The following ADGRB3 variants were observed in gnomAD, a reference collection of about 807,000 sequenced individuals.
The protein encoded by ADGRB3 is adhesion G protein-coupled receptor B3.
A neutral mutation model predicts 193.4 loss-of-function variants in ADGRB3; 37 were observed. The ratio of observed to expected loss-of-function variants is 0.19; its 90% CI spans 0.15 to 0.25. The LOEUF (loss-of-function observed/expected upper bound fraction) is 0.25. Ranked by LOEUF, ADGRB3 falls within the 10% of genes least tolerant of loss-of-function variation. The pLI is 1.00. For missense variants in ADGRB3, 1,637 were observed against 1,852.9 expected, an observed-to-expected ratio of 0.88 and a Z score of 2.14; for synonymous variants, 690 against 644.2, an observed-to-expected ratio of 1.07 and a Z score of -1.08.
intron 12 of ADGRB3, among the ~76,000 whole-genome samples, chr6:69,015,946 A>G (rs1261964284): frequency 6.6e-6 from 1 of 151,882 alleles, no homozygotes; most frequent in Non-Finnish European, 1.5e-5. Flanking sequence ...TTAGTCATGT[A>G]TTATGTTTGA....
chr6:69,312,505 AT>A (rs1047749009), intron 20 of ADGRB3, among the ~76,000 whole-genome samples: 1 of 151,672 alleles, frequency 6.6e-6, no homozygotes, highest in Non-Finnish European at 1.5e-5. Flanking sequence ...TGAAATCTCC[AT>A]GAATTGTCAC....
chr6:68,910,302 G>A (rs1329568379), intron 3 of ADGRB3, among the ~76,000 whole-genome samples: 3 of 152,052 alleles, frequency 2.0e-5, no homozygotes, highest in Non-Finnish European at 4.4e-5. Context: ...GATTCTGGAT[G>A]TTAGCCCTTT....
chr6:69,350,243 A>C (rs1196616758), intron 26 of ADGRB3, among the ~76,000 whole-genome samples: 1 of 151,624 alleles, frequency 6.6e-6, no homozygotes, highest in Non-Finnish European at 1.5e-5. Context: ...TCAGGAGACA[A>C]CCTTGATAGC....
intron 17 of ADGRB3, among the ~76,000 whole-genome samples, chr6:69,147,910 A>G (rs892263290): frequency 1.3e-5 from 2 of 152,096 alleles, no homozygotes; most frequent in Non-Finnish European, 2.9e-5. Context: ...TCTTTGTCTT[A>G]TAACTTTTGT....
intron 3 of ADGRB3, among the ~76,000 whole-genome samples, chr6:68,893,459 G>A (rs1408893753): frequency 6.7e-6 from 1 of 150,154 alleles, no homozygotes; most frequent in Non-Finnish European, 1.5e-5. Flanking sequence ...TTTTTCCTTA[G>A]CATTCAAAAT....
chr6:69,006,280 T>C (rs528543055), intron 11 of ADGRB3, among the ~76,000 whole-genome samples: 21 of 152,234 alleles, frequency 1.4e-4, no homozygotes, highest in African/African-American at 4.8e-4. Context: ...TTCATGGTTT[T>C]ATGTATCATG....
At chr6:69,040,691 AAAAAAAAAAAAAAAAAAAC>A (rs1353581986) in intron 13 of ADGRB3, among the ~76,000 whole-genome samples, 7 of 144,244 alleles carry the variant, frequency 4.9e-5, no homozygotes, top group Admixed American at 2.1e-4. Flanking sequence ...AAAAAAAAAA[AAAAAAAAAAAAAAAAAAAC>A]AAACAAGAAT....
intron 20 of ADGRB3, among the ~76,000 whole-genome samples, chr6:69,295,302 C>T (rs1269952019): frequency 6.6e-6 from 1 of 152,170 alleles, no homozygotes; most frequent in African/African-American, 2.4e-5. Context: ...ATACTGCCTT[C>T]AATTGAAAAA....
chr6:68,982,879 C>T (rs1012941514), intron 10 of ADGRB3, among the ~76,000 whole-genome samples: 4 of 151,990 alleles, frequency 2.6e-5, no homozygotes, highest in African/African-American at 9.7e-5. Context: ...CAATTCTTAC[C>T]CAGAATTAAG....
intron 3 of ADGRB3, among the ~76,000 whole-genome samples, chr6:68,915,553 A>C (rs1296876158): frequency 1.3e-5 from 2 of 152,202 alleles, no homozygotes; most frequent in Non-Finnish European, 2.9e-5. Context: ...ATATGCTCTA[A>C]ATGGCTAAGA....
chr6:68,690,189 T>C lies in ADGRB3; in HGVS notation c.757+50757T>C, dbSNP rs1329311319. ...GTACAATCCTCTATGCAGTGAGTGATTAATGCAGATACAAAGCTTAGCCTT... is the reference window on the plus strand; with the variant it reads ...GTACAATCCTCTATGCAGTGAGTGACTAATGCAGATACAAAGCTTAGCCTT... On this transcript the variant is annotated intron_variant, in intron 3 of 31. Coordinates refer to ENST00000370598, the MANE Select transcript of ADGRB3 (RefSeq NM_001704.3). 2.0e-5 allele frequency among the ~76,000 whole-genome samples: 3 copies of C among 152,236 alleles called. No homozygotes were observed. In the East Asian group the frequency reaches 5.8e-4, roughly 29 times the overall value.
chr6:69,046,352 A>G (rs1462359475), intron 13 of ADGRB3, among the ~76,000 whole-genome samples: 1 of 152,228 alleles, frequency 6.6e-6, no homozygotes, highest in East Asian at 1.9e-4. Context: ...GATTCTACAC[A>G]TTGAATAATG....
At chr6:68,866,845 A>T (rs1167013989) in intron 3 of ADGRB3, among the ~76,000 whole-genome samples, 3 of 152,200 alleles carry the variant, frequency 2.0e-5, no homozygotes, top group Non-Finnish European at 4.4e-5. Flanking sequence ...GATGATTTAG[A>T]GTATCGGGCA....
rs1340861285 is a variant in ADGRB3, at chr6:69,063,039, A to G, written c.2436+3A>G. 1.2e-6 allele frequency: 2 copies of G among 1,603,848 alleles called. No individual in the cohort carries two copies. Among genetic ancestry groups the G allele is most frequent in the African/African-American group, 1.3e-5 (1 of 74,660 alleles). On this transcript the variant is annotated splice_donor_region_variant and intron_variant, in intron 16 of 31. Transcript: ENST00000370598. The stretch of plus-strand genomic sequence containing the variant: ...TAGAACTAGCTCATTTGGCTAATGT[A>G]AGTACCATCCACTGGGCACTGACTT...
At chr6:68,898,477 A>G (rs1382793375) in intron 3 of ADGRB3, among the ~76,000 whole-genome samples, 1 of 152,142 alleles carries the variant, frequency 6.6e-6, no homozygotes, top group Non-Finnish European at 1.5e-5. Flanking sequence ...TCCTTAATCC[A>G]GGCAAGCTCA....
chr6:69,141,279 A>G (rs1170921971), intron 17 of ADGRB3, among the ~76,000 whole-genome samples: 1 of 151,990 alleles, frequency 6.6e-6, no homozygotes. Flanking sequence ...GCCCGCCACC[A>G]TGCCCGGCTA....
chr6:69,255,612 A>G (rs1472490493), intron 20 of ADGRB3, among the ~76,000 whole-genome samples: 1 of 152,156 alleles, frequency 6.6e-6, no homozygotes, highest in Non-Finnish European at 1.5e-5. Context: ...GCCCTTTTTC[A>G]GATGAGTAGG....
At chr6:68,738,633 T>C (rs1411073100) in intron 3 of ADGRB3, among the ~76,000 whole-genome samples, 1 of 152,052 alleles carries the variant, frequency 6.6e-6, no homozygotes, top group Non-Finnish European at 1.5e-5. Flanking sequence ...AATATGAAAA[T>C]AAGAGTTATC....
chr6:69,231,540 T>C (rs553151891), intron 17 of ADGRB3, among the ~76,000 whole-genome samples: 1 of 143,176 alleles, frequency 7.0e-6, no homozygotes, highest in South Asian at 2.2e-4. Context: ...ATAAATGCTT[T>C]TCATTTGGCC....
Sources: allele counts gnomAD v4.1 joint callset (sites outside exome capture counted in the v4.1 genomes callset), GRCh38; gene constraint gnomAD v4.1.1; transcripts MANE v1.5; gene names NCBI Gene and HGNC (gene_info 2026-07-23, HGNC 2026-07-21).